The following SPAST variants were observed in gnomAD, a reference collection of about 807,000 sequenced individuals.
SPAST encodes spastic paraplegia 4 (autosomal dominant; spastin).
Under a neutral mutation model 76.6 loss-of-function variants are expected in SPAST, and 30 were observed. The observed-to-expected ratio is 0.39, with a 90% CI of 0.29 to 0.53. The LOEUF (loss-of-function observed/expected upper bound fraction) is 0.53, where lower values mean the gene tolerates loss of function less well. SPAST is among the 20% of genes least tolerant of loss of function. The probability of loss-of-function intolerance (pLI) is 0.68; values close to 1 mark genes in which losing one functional copy is unlikely to be tolerated. For missense variants in SPAST, 717 were observed against 770.5 expected (o/e 0.93, Z 0.82); for synonymous variants, 305 against 281.0 (o/e 1.09, Z -0.86).
intron 12 of SPAST, among the ~76,000 whole-genome samples, chr2:32,140,008 C>T (rs942562022): frequency 1.3e-5 from 2 of 151,966 alleles, no homozygotes; most frequent in Non-Finnish European, 2.9e-5. Context: ...GAATCAATAT[C>T]GTTAAAATGG....
chr2:32,110,613 A>T (rs1356906379), intron 4 of SPAST, among the ~76,000 whole-genome samples: 4 of 133,222 alleles, frequency 3.0e-5, no homozygotes, highest in African/African-American at 1.1e-4. Context: ...TATATACTAT[A>T]TAGTGTATAT....
intron 1 of SPAST, among the ~76,000 whole-genome samples, chr2:32,066,438 G>C (rs1573032119): frequency 1.3e-5 from 2 of 152,226 alleles, no homozygotes; most frequent in Admixed American, 1.3e-4. Flanking sequence ...GGGAGGCCGG[G>C]GCGGGTGGAT....
At chr2:32,138,569 G>T (rs1679617305) in intron 12 of SPAST, among the ~76,000 whole-genome samples, 1 of 152,108 alleles carries the variant, frequency 6.6e-6, no homozygotes, top group South Asian at 2.1e-4. Flanking sequence ...ATTCCTTATA[G>T]ATTCTGGATA....
intron 15 of SPAST, 146 bp downstream of exon 15, chr2:32,145,153 A>G (rs1013911154): frequency 1.6e-6 from 1 of 624,006 alleles, no homozygotes; most frequent in Non-Finnish European, 2.9e-6. Context: ...GTGCAGTGGC[A>G]CAATCATAGT....
At chr2:32,141,981 A>G in intron 13 of SPAST, 35 bp downstream of exon 13, 1 of 1,508,886 alleles carries the variant, frequency 6.6e-7, no homozygotes, top group Non-Finnish European at 9.2e-7. Context: ...TTTGTTTTAG[A>G]GCAGAAACAA....
At chr2:32,109,634 AAAG>A (rs968135064) in intron 4 of SPAST, among the ~76,000 whole-genome samples, 1 of 150,404 alleles carries the variant, frequency 6.6e-6, no homozygotes, top group African/African-American at 2.4e-5. Flanking sequence ...CCTTATGGTC[AAAG>A]AAGACTTAAT....
At chr2:32,150,594 C>T (rs1680052032) in intron 16 of SPAST, among the ~76,000 whole-genome samples, 2 of 151,556 alleles carry the variant, frequency 1.3e-5, no homozygotes, top group Non-Finnish European at 2.9e-5. Context: ...TGTACCACCA[C>T]ACTCAGCTAA....
In SPAST at chr2:32,154,400, C is replaced by G; in HGVS notation, c.1755C>G (p.Phe585Leu). Residue 585 changes from phenylalanine to leucine, a missense_variant, in exon 17 of 17, where the codon TTC becomes TTG. Coordinates refer to ENST00000315285, the MANE Select transcript of SPAST (RefSeq NM_014946.4). ...SEMRNIRLSD[F>L]TESLKKIKRS... Reference sequence around the variant, plus strand: ...TGAGAAATATTCGATTATCTGACTTCACTGAATCCTTGAAAAAAATAAAAC... The same window carrying G: ...TGAGAAATATTCGATTATCTGACTTGACTGAATCCTTGAAAAAAATAAAAC... The G allele has an allele frequency of 6.2e-7, 1 of 1,612,818 alleles. No individual in the cohort carries two copies. Among genetic ancestry groups the G allele is most frequent in the Non-Finnish European group, 8.5e-7 (1 of 1,178,878 alleles).
intron 15 of SPAST, among the ~76,000 whole-genome samples, chr2:32,145,810 G>T (rs1679866135): frequency 6.6e-6 from 1 of 152,212 alleles, no homozygotes; most frequent in South Asian, 2.1e-4. Context: ...AGCATCGGTA[G>T]TGGATGGTTG....
intron 4 of SPAST, among the ~76,000 whole-genome samples, chr2:32,099,322 A>G (rs1211942531): frequency 1.3e-5 from 2 of 152,140 alleles, no homozygotes; most frequent in African/African-American, 4.8e-5. Flanking sequence ...TGAATGTCTT[A>G]TAGTACTTGA....
At chr2:32,128,647 A>AT in intron 9 of SPAST, 168 bp downstream of exon 9, 1 of 631,852 alleles carries the variant, frequency 1.6e-6, no homozygotes, top group Admixed American at 2.5e-5. Flanking sequence ...AGTTATGTAC[A>AT]TTTGTGTTGT....
intron 1 of SPAST, among the ~76,000 whole-genome samples, chr2:32,070,409 T>G (rs999770601): frequency 2.6e-5 from 4 of 152,082 alleles, no homozygotes; most frequent in African/African-American, 9.7e-5. Context: ...AGGCCTTAAT[T>G]TATCTGAAAC....
At chr2:32,141,844 T>C in intron 12 of SPAST, 60 bp from the exon 13 acceptor site, 2 of 1,314,408 alleles carry the variant, frequency 1.5e-6, no homozygotes, top group Non-Finnish European at 2.2e-6. Context: ...TCCTGTCATT[T>C]GCTGTTTCAG....
chr2:32,084,661 G>A (rs1221322895), intron 1 of SPAST, among the ~76,000 whole-genome samples: 2 of 151,458 alleles, frequency 1.3e-5, no homozygotes, highest in Non-Finnish European at 2.9e-5. Flanking sequence ...TGAGGCGGGC[G>A]GATCACCTGA....
intron 16 of SPAST, among the ~76,000 whole-genome samples, chr2:32,151,638 A>T (rs1680088586): frequency 6.6e-6 from 1 of 152,076 alleles, no homozygotes; most frequent in African/African-American, 2.4e-5. Flanking sequence ...GGTCGCACAC[A>T]GTGGCTCACG....
At chr2:32,117,804 T>C (rs1261624431) in intron 7 of SPAST, among the ~76,000 whole-genome samples, 1 of 152,184 alleles carries the variant, frequency 6.6e-6, no homozygotes, top group Non-Finnish European at 1.5e-5. Context: ...AGTGCTGGGA[T>C]TACAGGCAGA....
chr2:32,143,418 G>A lies in SPAST; in HGVS notation c.1616+3G>A, dbSNP rs1414987170. The A allele has an allele frequency of 6.4e-7, 1 of 1,572,002 alleles. No individual in the cohort carries two copies. The highest frequency in any genetic ancestry group is 1.3e-5 in the African/African-American group (1 of 74,184). ...AAAGAACTAGCACAACTTGCTAGGT[G>A]AGTAATTTGGATTTGGTTTATCTTA... On this transcript the variant is annotated splice_donor_region_variant and intron_variant, in intron 14 of 16. Transcript: ENST00000315285.
At chr2:32,083,675 A>T (rs964004911) in intron 1 of SPAST, among the ~76,000 whole-genome samples, 50 of 97,498 alleles carry the variant, frequency 5.1e-4, no homozygotes, top group African/African-American at 1.5e-3. Flanking sequence ...ATATATATAT[A>T]TTTTTATGCT....
intron 16 of SPAST, among the ~76,000 whole-genome samples, chr2:32,149,037 C>T (rs916369488): frequency 2.0e-5 from 3 of 151,596 alleles, no homozygotes; most frequent in African/African-American, 2.4e-5. Flanking sequence ...TATAACTATA[C>T]GTTAATCCTT....
Sources: allele counts gnomAD v4.1 joint callset (sites outside exome capture counted in the v4.1 genomes callset), GRCh38; gene constraint gnomAD v4.1.1; transcripts MANE v1.5; gene names NCBI Gene and HGNC (gene_info 2026-07-23, HGNC 2026-07-21).